Variants in RAD52 observed in about 807,000 individuals in gnomAD.
RAD52 encodes the protein RAD52 DNA repair protein, also known as DNA repair protein RAD52 homolog.
In RAD52, 47 loss-of-function variants were observed where a neutral mutation model predicts 55.5. That is an observed-to-expected ratio of 0.85 (90% CI 0.67 to 1.08). RAD52 has a LOEUF of 1.08. Among genes scored for constraint, RAD52 ranks in the 50% least tolerant of loss-of-function variants. The probability of loss-of-function intolerance (pLI) is 0.00; values close to 1 mark genes in which losing one functional copy is unlikely to be tolerated. For synonymous variants in RAD52, 184 were observed against 198.9 expected (o/e 0.92, Z 0.63); for missense variants, 468 against 522.8 (o/e 0.90, Z 1.02).
At chr12:960,697 C>T (rs1459193217) in intron 1 of RAD52, among the ~76,000 whole-genome samples, 1 of 152,092 alleles carries the variant, frequency 6.6e-6, no homozygotes, top group Non-Finnish European at 1.5e-5. Flanking sequence ...AACTCTTGAC[C>T]TCAAGCGATG....
chr12:918,021 C>T (rs148597011), intron 7 of RAD52, among the ~76,000 whole-genome samples: 2 of 152,232 alleles, frequency 1.3e-5, no homozygotes, highest in East Asian at 1.9e-4. Context: ...TTGGAACTTA[C>T]GCAATGCCAC....
chr12:911,741 C>T lies in RAD52; in HGVS notation c.*1650G>A, dbSNP rs757009451. ...TAAAAAAATTATTAAATTGGCTGGG[C>T]GCAATGGCTCATGCCTATAATTCTA... On this transcript the variant is annotated 3_prime_UTR_variant, in exon 12 of 12. Coordinates refer to ENST00000358495, the MANE Select transcript of RAD52 (RefSeq NM_134424.4). 1.3e-5 allele frequency among the ~76,000 whole-genome samples: 2 copies of T among 152,152 alleles called. No individual in the cohort carries two copies. Among genetic ancestry groups the T allele is most frequent in the African/African-American group, 4.8e-5 (2 of 41,424 alleles).
chr12:937,427 C>CTT (rs1020961496), intron 1 of RAD52, among the ~76,000 whole-genome samples: 1 of 147,370 alleles, frequency 6.8e-6, no homozygotes, highest in Non-Finnish European at 1.5e-5. Flanking sequence ...ATCCCTTCAG[C>CTT]TTTTTTTTTT....
rs895514147 is a variant in RAD52 at position 988,759 on chromosome 12, C to T, written c.-19+1050G>A. Among the ~76,000 whole-genome samples, 8 of 152,328 alleles carry T rather than the reference C, an allele frequency of 5.3e-5. No individual in the cohort carries two copies. In the South Asian group the frequency reaches 1.7e-3, roughly 32 times the overall value. ...AGGAACAAATCCATTCTCCTGATAA[C>T]CAACATAGTTTCGCAAGTGTGAGAA... On this transcript the variant is annotated intron_variant, in intron 1 of 11. Transcript: ENST00000430095.
chr12:940,961 G>T (rs1957889287), intron 1 of RAD52, among the ~76,000 whole-genome samples: 1 of 152,066 alleles, frequency 6.6e-6, no homozygotes, highest in South Asian at 2.1e-4. Flanking sequence ...CTCACATACA[G>T]AAGAAGTGAA....
At chr12:922,710 C>A (rs959136286) in intron 7 of RAD52, among the ~76,000 whole-genome samples, 7 of 152,114 alleles carry the variant, frequency 4.6e-5, no homozygotes, top group African/African-American at 1.7e-4. Flanking sequence ...GACACATATA[C>A]CTATAATCTC....
In RAD52 at chr12:965,967, A is replaced by G. The variant is rs1175305437; in HGVS notation, c.-19+23842T>C. ...CCAAAGTGCTGGGATTACAGGCATG[A>G]ACCACTGTGCCTGGCTGTTTGTTTT... On this transcript the variant is annotated intron_variant, in intron 1 of 11. Coordinates refer to the RAD52 transcript ENST00000430095. 4.6e-5 allele frequency among the ~76,000 whole-genome samples: 7 copies of G among 151,778 alleles called. No individual in the cohort carries two copies. In the East Asian group the frequency reaches 1.4e-3, roughly 29 times the overall value.
intron 7 of RAD52, among the ~76,000 whole-genome samples, chr12:918,423 G>T (rs1956527396): frequency 6.6e-6 from 1 of 152,074 alleles, no homozygotes; most frequent in African/African-American, 2.4e-5. Context: ...TTGAGAGAGG[G>T]TCTCGCTCTG....
At chr12:965,885 C>CT (rs1958757084) in intron 1 of RAD52, among the ~76,000 whole-genome samples, 1 of 151,988 alleles carries the variant, frequency 6.6e-6, no homozygotes, top group South Asian at 2.1e-4. Flanking sequence ...CAGGGTTTCG[C>CT]CTGTTGGCCA....
At chr12:951,118 TTA>T (rs906935930), upstream of RAD52, among the ~76,000 whole-genome samples, 14 of 151,012 alleles carry the variant, frequency 9.3e-5, no homozygotes, top group African/African-American at 3.0e-4. Flanking sequence ...GATTTTTTTT[TTA>T]AAGAGTCAGG....
At chr12:936,370 A>G (rs971523925) in intron 1 of RAD52, among the ~76,000 whole-genome samples, 6 of 151,162 alleles carry the variant, frequency 4.0e-5, no homozygotes, top group African/African-American at 1.5e-4. Flanking sequence ...ATCTTTGTCC[A>G]TAAAGTAAAT....
At chr12:928,616 C>T (rs1216344791) in intron 5 of RAD52, among the ~76,000 whole-genome samples, 1 of 151,666 alleles carries the variant, frequency 6.6e-6, no homozygotes, top group Non-Finnish European at 1.5e-5. Context: ...TTAAGATATA[C>T]ATTTTCCATA....
At chr12:942,248 G>A (rs1224577899) in intron 1 of RAD52, among the ~76,000 whole-genome samples, 1 of 152,082 alleles carries the variant, frequency 6.6e-6, no homozygotes, top group African/African-American at 2.4e-5. Context: ...CACAAGGATT[G>A]AACAATGGAA....
At chr12:980,332 C>A (rs1263849077) in intron 1 of RAD52, among the ~76,000 whole-genome samples, 2 of 148,550 alleles carry the variant, frequency 1.3e-5, no homozygotes, top group Non-Finnish European at 3.0e-5. Flanking sequence ...TCACTCTTGT[C>A]CCCCAGGCTG....
At chr12:980,237 T>C (rs1292703903) in intron 1 of RAD52, among the ~76,000 whole-genome samples, 1 of 149,586 alleles carries the variant, frequency 6.7e-6, no homozygotes, top group Non-Finnish European at 1.5e-5. Context: ...TTATATAGGC[T>C]AGAAAAAAAA....
At chr12:933,233 T>C (rs1341721400) in intron 1 of RAD52, among the ~76,000 whole-genome samples, 157 bp from the exon 2 acceptor site, 18 of 151,712 alleles carry the variant, frequency 1.2e-4, no homozygotes, top group Non-Finnish European at 2.9e-5. Context: ...CCGAGGTGGG[T>C]GGATCACAAG....
intron 5 of RAD52, among the ~76,000 whole-genome samples, chr12:928,340 C>T (rs558671924): frequency 5.9e-5 from 9 of 152,174 alleles, no homozygotes; most frequent in African/African-American, 1.9e-4. Flanking sequence ...GGAGAAACCG[C>T]GTCTCTACTG....
rs532245228 is a variant in RAD52, at chr12:911,877, G to T, written c.*1514C>A. ...TCCTCTACTAAAAATACAAAAATTA[G>T]TCGGGCGTCGTGGTGGGTGTCTGTA... On this transcript the variant is annotated 3_prime_UTR_variant, in exon 12 of 12. Transcript: ENST00000358495. 1.1e-4 allele frequency among the ~76,000 whole-genome samples: 12 copies of T among 111,532 alleles called. No homozygotes were observed. The highest frequency in any genetic ancestry group is 3.8e-4 in the African/African-American group (12 of 31,586). The allele number at this position is 111,532 out of a possible 152,430, so 73.2% of individuals were successfully genotyped here.
intron 3 of RAD52, among the ~76,000 whole-genome samples, chr12:930,639 A>T (rs1329945974): frequency 6.6e-6 from 1 of 152,114 alleles, no homozygotes; most frequent in African/African-American, 2.4e-5. Context: ...TAATTAAAAA[A>T]AAAAAGCAAA....
Sources: gnomAD v4.1 joint callset for allele counts (sites outside exome capture counted in the v4.1 genomes callset) on GRCh38, gnomAD v4.1.1 for gene constraint, MANE v1.5 for transcripts, NCBI Gene and HGNC (gene_info 2026-07-23, HGNC 2026-07-21) for gene names.